Variants in SMAD4 observed in about 807,000 individuals in gnomAD.
SMAD4 encodes the protein SMAD family member 4.
In SMAD4, 7 loss-of-function variants were observed where a neutral mutation model predicts 63.2. That is an observed-to-expected ratio of 0.11 (90% confidence interval 0.06 to 0.21). The LOEUF (loss-of-function observed/expected upper bound fraction) is 0.21. SMAD4 is among the 10% of genes least tolerant of loss of function. The probability of loss-of-function intolerance (pLI) is 1.00; values close to 1 mark genes in which losing one functional copy is unlikely to be tolerated. For missense variants in SMAD4, 312 were observed against 693.8 expected (o/e 0.45, Z 6.18); for synonymous variants, 215 against 235.4 (o/e 0.91, Z 0.79).
chr18:51,035,415 A>G (rs1477543190), intron 1 of SMAD4, among the ~76,000 whole-genome samples: 3 of 152,148 alleles, frequency 2.0e-5, no homozygotes, highest in South Asian at 4.1e-4. Flanking sequence ...GGTGGCTCAC[A>G]TCTATAATCT....
chr18:51,076,463 C>G (rs1403677062), intron 10 of SMAD4, among the ~76,000 whole-genome samples, 175 bp from the exon 11 acceptor site: 1 of 152,200 alleles, frequency 6.6e-6, no homozygotes, highest in Non-Finnish European at 1.5e-5. Context: ...TCCAAGCCAC[C>G]TTTCCTAACT....
rs1568211528 is a variant in SMAD4, at chr18:51,078,287, T to C, written c.1479T>C (p.Asp493=). Residue 493 remains aspartate, a synonymous_variant, in exon 12 of 12, where the codon GAT becomes GAC. Coordinates refer to ENST00000342988, the MANE Select transcript of SMAD4 (RefSeq NM_005359.6). ...SLSAAAGIGV[D]DLRRLCILRM... The stretch of plus-strand genomic sequence containing the variant: ...CAGCTGCTGCTGGAATTGGTGTTGA[T>C]GACCTTCGTCGCTTATGCATACTCA... 6.2e-7 allele frequency: 1 copy of C among 1,614,254 alleles called. No individual in the cohort carries two copies. The highest frequency in any genetic ancestry group is 8.5e-7 in the Non-Finnish European group (1 of 1,180,046).
intron 3 of SMAD4, 61 bp downstream of exon 3, chr18:51,048,921 C>G (rs1909626574): frequency 4.2e-6 from 6 of 1,428,150 alleles, no homozygotes; most frequent in Admixed American, 1.7e-5. Context: ...AATAGTGTTT[C>G]AATTTTTGTA....
At position 51,071,265 on chromosome 18, in the gene SMAD4, T is replaced by C. The variant is rs190853155; in HGVS notation, c.1308+4078T>C. On this transcript the variant is annotated intron_variant, in intron 10 of 11. Transcript: ENST00000342988. ...GAGTACACAAATGTGTGCATGCACA[T>C]ACACACACACACACATACACACACA... 7.8e-3 allele frequency among the ~76,000 whole-genome samples: 1,170 copies of C among 150,736 alleles called. 17 individuals carry two copies. The highest frequency in any genetic ancestry group is 0.027 in the African/African-American group (1,101 of 41,264).
chr18:51,062,116 G>A (rs967843400), intron 8 of SMAD4, among the ~76,000 whole-genome samples: 4 of 152,154 alleles, frequency 2.6e-5, no homozygotes, highest in South Asian at 2.1e-4. Context: ...TAGGGAAAAG[G>A]TGATATTAGT....
chr18:51,068,158 C>G (rs1910214181), intron 10 of SMAD4, among the ~76,000 whole-genome samples: 1 of 152,210 alleles, frequency 6.6e-6, no homozygotes, highest in South Asian at 2.1e-4. Flanking sequence ...GATTACCTCA[C>G]AACAGCAAAC....
At chr18:51,041,409 G>C (rs974400403) in intron 1 of SMAD4, among the ~76,000 whole-genome samples, 4 of 152,162 alleles carry the variant, frequency 2.6e-5, no homozygotes, top group African/African-American at 9.7e-5. Flanking sequence ...CTTGAAATTA[G>C]GCATGGCCCA....
At chr18:51,054,473 C>G in intron 4 of SMAD4, 1 of 358,606 alleles carries the variant, frequency 2.8e-6, no homozygotes, top group South Asian at 2.8e-5. Context: ...GATTATTCTT[C>G]TAGGTTTATC....
chr18:51,063,732 C>G (rs1488290633), intron 8 of SMAD4, among the ~76,000 whole-genome samples: 1 of 152,170 alleles, frequency 6.6e-6, no homozygotes, highest in Non-Finnish European at 1.5e-5. Flanking sequence ...TTCATAAATA[C>G]TTCAAAACTG....
In SMAD4 at chr18:51,078,680, C is replaced by T; in HGVS notation, c.*213C>T. 1 of 548,172 alleles carries T rather than the reference C, an allele frequency of 1.8e-6. No homozygotes were observed. Among genetic ancestry groups the T allele is most frequent in the Non-Finnish European group, 3.2e-6 (1 of 308,462 alleles). The allele number at this position is 548,172 out of a possible 1,614,324, so 34.0% of individuals were successfully genotyped here. ...AGAACTTGTCAGGCATGGCTCAGAG[C>T]TTGAAGATTAGGAGAAACACATTCT... is the stretch of plus-strand genomic sequence containing the variant. On this transcript the variant is annotated 3_prime_UTR_variant, in exon 12 of 12. Coordinates refer to ENST00000342988, the MANE Select transcript of SMAD4 (RefSeq NM_005359.6).
chr18:51,080,084 A>G lies in SMAD4; in HGVS notation c.*1617A>G, dbSNP rs555248411. The G allele has an allele frequency of 4.4e-4, 102 of 232,500 alleles. No homozygotes were observed. The highest frequency in any genetic ancestry group is 2.0e-3 in the African/African-American group (90 of 45,434). 14.4% of individuals were successfully genotyped at this position (232,500 alleles called of 1,614,324 possible). The stretch of plus-strand genomic sequence containing the variant: ...GAAATAAAATCAAGGATTATCTTTC[A>G]GATGTGTTTACTTTTGCCTGGAGAA... On this transcript the variant is annotated 3_prime_UTR_variant, in exon 12 of 12. Transcript: ENST00000342988.
intron 10 of SMAD4, among the ~76,000 whole-genome samples, chr18:51,076,086 G>A (rs902414908): frequency 6.6e-6 from 1 of 152,008 alleles, no homozygotes; most frequent in African/African-American, 2.4e-5. Context: ...TAGTCTTTTT[G>A]TTGTTGTTGT....
chr18:51,051,358 C>G (rs1416598792), intron 4 of SMAD4: 3 of 455,996 alleles, frequency 6.6e-6, no homozygotes, highest in African/African-American at 6.0e-5. Context: ...CCTCAGAAAA[C>G]AACTGGTATT....
chr18:51,040,839 C>G (rs554219783), intron 1 of SMAD4, among the ~76,000 whole-genome samples: 61 of 152,340 alleles, frequency 4.0e-4, no homozygotes, highest in African/African-American at 1.4e-3. Context: ...GCATCTAATA[C>G]CTGTATATGT....
At chr18:51,071,564 G>T (rs1910319524) in intron 10 of SMAD4, among the ~76,000 whole-genome samples, 1 of 152,096 alleles carries the variant, frequency 6.6e-6, no homozygotes, top group South Asian at 2.1e-4. Context: ...AATATGTTTT[G>T]TTTTGTGTTA....
chr18:51,044,248 A>T (rs1346855666), intron 1 of SMAD4, among the ~76,000 whole-genome samples: 1 of 151,746 alleles, frequency 6.6e-6, no homozygotes, highest in Non-Finnish European at 1.5e-5. Flanking sequence ...GAGCTCAAGC[A>T]GTCCTCCTGC....
intron 5 of SMAD4, among the ~76,000 whole-genome samples, chr18:51,056,769 G>A (rs1909858329): frequency 6.6e-6 from 1 of 152,042 alleles, no homozygotes; most frequent in Admixed American, 6.6e-5. Context: ...TACATACTTA[G>A]AATTGTATAA....
chr18:51,035,417 C>T (rs1008955819), intron 1 of SMAD4, among the ~76,000 whole-genome samples: 1 of 152,118 alleles, frequency 6.6e-6, no homozygotes, highest in Non-Finnish European at 1.5e-5. Context: ...TGGCTCACAT[C>T]TATAATCTCA....
intron 3 of SMAD4, 71 bp downstream of exon 3, chr18:51,048,931 A>G (rs2144406733): frequency 7.3e-7 from 1 of 1,374,316 alleles, no homozygotes; most frequent in Non-Finnish European, 1.0e-6. Flanking sequence ...CAATTTTTGT[A>G]AGTTAAATTA....
Sources: gnomAD v4.1 joint callset for allele counts (sites outside exome capture counted in the v4.1 genomes callset) on GRCh38, gnomAD v4.1.1 for gene constraint, MANE v1.5 for transcripts, NCBI Gene and HGNC (gene_info 2026-07-23, HGNC 2026-07-21) for gene names.